Variants in FNIP1 observed in about 807,000 individuals in gnomAD.
FNIP1 encodes the protein folliculin-interacting protein 1.
FNIP1 carries 40 observed loss-of-function variants against 124.5 expected under a neutral mutation model. That is an observed-to-expected ratio of 0.32 (90% CI 0.25 to 0.42). The LOEUF (loss-of-function observed/expected upper bound fraction) is 0.42, where lower values mean the gene tolerates loss of function less well. Among genes scored for constraint, FNIP1 ranks in the 10% least tolerant of loss-of-function variants. The probability of loss-of-function intolerance (pLI) is 1.00; values close to 1 mark genes in which losing one functional copy is unlikely to be tolerated. For synonymous variants in FNIP1, 472 were observed against 470.6 expected (o/e 1.00, Z -0.04); for missense variants, 1,176 against 1,403.7 (o/e 0.84, Z 2.59).
intron 3 of FNIP1, among the ~76,000 whole-genome samples, chr5:131,720,205 A>G (rs1389152538): frequency 6.6e-6 from 1 of 152,240 alleles, no homozygotes. Flanking sequence ...ACATGTATAC[A>G]GTCAACTTAT....
intron 11 of FNIP1, among the ~76,000 whole-genome samples, chr5:131,684,518 C>G (rs1327800661): frequency 1.3e-5 from 2 of 151,970 alleles, no homozygotes; most frequent in African/African-American, 2.4e-5. Flanking sequence ...TCAAACAATA[C>G]AAATGGAAAG....
At chr5:131,773,249 C>T (rs916659991) in intron 1 of FNIP1, among the ~76,000 whole-genome samples, 70 of 152,252 alleles carry the variant, frequency 4.6e-4, no homozygotes, top group Non-Finnish European at 8.4e-4. Context: ...TTAATGTTTA[C>T]TGGACACTGT....
At chr5:131,795,246 A>G (rs1322874226) in intron 1 of FNIP1, among the ~76,000 whole-genome samples, 1 of 152,198 alleles carries the variant, frequency 6.6e-6, no homozygotes, top group Non-Finnish European at 1.5e-5. Context: ...CTGCACTGCT[A>G]CTTGCTCTAT....
At chr5:131,729,838 C>G (rs1770017532) in intron 3 of FNIP1, among the ~76,000 whole-genome samples, 1 of 151,978 alleles carries the variant, frequency 6.6e-6, no homozygotes, top group African/African-American at 2.4e-5. Flanking sequence ...ATCCGCCTCC[C>G]AGGTTCAAGC....
chr5:131,737,462 G>C (rs868523242), intron 2 of FNIP1, among the ~76,000 whole-genome samples: 1 of 152,116 alleles, frequency 6.6e-6, no homozygotes, highest in Non-Finnish European at 1.5e-5. Context: ...GGTTACCTCA[G>C]CCTGGAATGT....
At chr5:131,653,061 G>A (rs1561637775) in intron 15 of FNIP1, among the ~76,000 whole-genome samples, 1 of 152,152 alleles carries the variant, frequency 6.6e-6, no homozygotes, top group Non-Finnish European at 1.5e-5. Context: ...AATATGTCAG[G>A]CATTAATATC....
chr5:131,735,454 A>ATTTTATATATTTAT (rs1554097347), intron 2 of FNIP1, among the ~76,000 whole-genome samples: 1 of 147,480 alleles, frequency 6.8e-6, no homozygotes, highest in Non-Finnish European at 1.5e-5. Context: ...AACTTAAAGT[A>ATTTTATATATTTAT]TTTTATATAT....
intron 15 of FNIP1, among the ~76,000 whole-genome samples, chr5:131,662,331 T>TCATCTC (rs1767466118): frequency 6.6e-6 from 1 of 152,208 alleles, no homozygotes; most frequent in African/African-American, 2.4e-5. Flanking sequence ...TGGAAAATTA[T>TCATCTC]CATCTAAACT....
At chr5:131,661,693 T>C (rs1162752710) in intron 15 of FNIP1, among the ~76,000 whole-genome samples, 1 of 152,140 alleles carries the variant, frequency 6.6e-6, no homozygotes, top group Non-Finnish European at 1.5e-5. Context: ...AAAAGTAATT[T>C]TCCTTTGTGA....
intron 10 of FNIP1, among the ~76,000 whole-genome samples, chr5:131,699,857 A>T (rs1043099759): frequency 7.5e-6 from 1 of 133,792 alleles, no homozygotes; most frequent in African/African-American, 2.7e-5. Context: ...CTGAAGTTGC[A>T]GTGAGCTGAG....
chr5:131,786,905 C>G (rs1336749447), intron 1 of FNIP1, among the ~76,000 whole-genome samples: 1 of 152,164 alleles, frequency 6.6e-6, no homozygotes, highest in Non-Finnish European at 1.5e-5. Context: ...GTTATAACAG[C>G]ACATACTGAA....
At chr5:131,757,813 T>C (rs1396698478) in intron 1 of FNIP1, among the ~76,000 whole-genome samples, 3 of 152,150 alleles carry the variant, frequency 2.0e-5, no homozygotes, top group African/African-American at 4.8e-5. Context: ...CTGAATAAGA[T>C]AGGAATGTCT....
At chr5:131,670,782 C>A in intron 14 of FNIP1, 151 bp from the exon 15 acceptor site, 4 of 512,876 alleles carry the variant, frequency 7.8e-6, no homozygotes, top group Non-Finnish European at 1.3e-5. Flanking sequence ...TGGTAACAAT[C>A]GTAAAAATTA....
At chr5:131,718,198 A>G (rs1407178111) in intron 5 of FNIP1, among the ~76,000 whole-genome samples, 1 of 152,154 alleles carries the variant, frequency 6.6e-6, no homozygotes, top group Admixed American at 6.5e-5. Flanking sequence ...CGAAAAAAAA[A>G]AAAAAAGACT....
intron 11 of FNIP1, among the ~76,000 whole-genome samples, chr5:131,681,637 A>AC (rs1768084124): frequency 6.9e-6 from 1 of 145,460 alleles, no homozygotes. Context: ...TCCAAAAATA[A>AC]GAAAGCATCA....
At chr5:131,739,057 T>C (rs1176101346) in intron 2 of FNIP1, among the ~76,000 whole-genome samples, 1 of 151,658 alleles carries the variant, frequency 6.6e-6, no homozygotes, top group Non-Finnish European at 1.5e-5. Flanking sequence ...CTCAAGTAAT[T>C]CACCCATGTT....
chr5:131,714,635 AC>A (rs1266503462), intron 6 of FNIP1, among the ~76,000 whole-genome samples: 1 of 151,928 alleles, frequency 6.6e-6, no homozygotes, highest in Non-Finnish European at 1.5e-5. Flanking sequence ...ATGATCTCTT[AC>A]CCCTAGGTCT....
At chr5:131,764,079 C>G (rs1473241936) in intron 1 of FNIP1, among the ~76,000 whole-genome samples, 1 of 151,914 alleles carries the variant, frequency 6.6e-6, no homozygotes, top group African/African-American at 2.4e-5. Flanking sequence ...GTGTGGTACG[C>G]CCCCTTGCCT....
chr5:131,793,748 T>G (rs748238194), intron 1 of FNIP1, among the ~76,000 whole-genome samples: 91 of 152,178 alleles, frequency 6.0e-4, no homozygotes, highest in Non-Finnish European at 8.1e-4. Flanking sequence ...CTTTGTATAT[T>G]GGTTACTCTA....
Sources: gnomAD v4.1 joint callset for allele counts (sites outside exome capture counted in the v4.1 genomes callset) on GRCh38, gnomAD v4.1.1 for gene constraint, MANE v1.5 for transcripts, NCBI Gene and HGNC (gene_info 2026-07-23, HGNC 2026-07-21) for gene names.